The following PLCB1 variants were observed in gnomAD, a reference collection of about 807,000 sequenced individuals.
PLCB1 encodes phospholipase C beta 1.
A neutral mutation model predicts 161.8 loss-of-function variants in PLCB1; 46 were observed. The ratio of observed to expected loss-of-function variants is 0.28; its 90% confidence interval spans 0.22 to 0.36. The LOEUF (loss-of-function observed/expected upper bound fraction) is 0.36. Among genes scored for constraint, PLCB1 ranks in the 10% least tolerant of loss-of-function variants. PLCB1 has a pLI of 1.00. For missense variants in PLCB1, 1,016 were observed against 1,472.5 expected (o/e 0.69, Z 5.07); for synonymous variants, 517 against 503.7 (o/e 1.03, Z -0.35).
At chr20:8,413,200 A>G (rs189070113) in intron 3 of PLCB1, among the ~76,000 whole-genome samples, 14 of 152,240 alleles carry the variant, frequency 9.2e-5, no homozygotes, top group Admixed American at 9.2e-4. Flanking sequence ...CATTATTTTT[A>G]TTTTAATATT....
chr20:8,699,505 A>C (rs1193658672), intron 11 of PLCB1, among the ~76,000 whole-genome samples: 1 of 152,150 alleles, frequency 6.6e-6, no homozygotes, highest in Non-Finnish European at 1.5e-5. Context: ...TTTTTTTTTA[A>C]AGAAGATTGA....
intron 2 of PLCB1, among the ~76,000 whole-genome samples, chr20:8,271,144 G>C (rs547896136): frequency 6.6e-6 from 1 of 152,212 alleles, no homozygotes; most frequent in Admixed American, 6.5e-5. Flanking sequence ...CACTGACAGT[G>C]GTAGACATCA....
chr20:8,400,312 T>C (rs997062923), intron 3 of PLCB1, among the ~76,000 whole-genome samples: 1 of 152,216 alleles, frequency 6.6e-6, no homozygotes, highest in Non-Finnish European at 1.5e-5. Context: ...TATTCTATTC[T>C]TTGTGCCAGA....
intron 2 of PLCB1, among the ~76,000 whole-genome samples, chr20:8,350,713 A>G (rs779681854): frequency 2.0e-5 from 3 of 152,356 alleles, no homozygotes; most frequent in Non-Finnish European, 2.9e-5. Context: ...CACCAACAGT[A>G]TAAAAATGTG....
intron 18 of PLCB1, among the ~76,000 whole-genome samples, chr20:8,732,718 A>AATATATATATATTTAATAT: frequency 1.8e-4 from 26 of 144,254 alleles, no homozygotes; most frequent in African/African-American, 6.1e-4. Context: ...ATATCATTCT[A>AATATATATATATTTAATAT]ATATATCTAA....
intron 27 of PLCB1, among the ~76,000 whole-genome samples, chr20:8,786,085 T>C (rs1600326188): frequency 1.3e-5 from 2 of 152,090 alleles, no homozygotes; most frequent in South Asian, 2.1e-4. Context: ...TCTGTATTTT[T>C]AAGAAGTTCC....
chr20:8,237,757 A>C (rs1231251556), intron 2 of PLCB1, among the ~76,000 whole-genome samples: 2 of 152,250 alleles, frequency 1.3e-5, no homozygotes, highest in Non-Finnish European at 2.9e-5. Context: ...CAATATAATC[A>C]GGCACCAACC....
At chr20:8,227,155 C>T (rs951939950) in intron 2 of PLCB1, among the ~76,000 whole-genome samples, 2 of 151,986 alleles carry the variant, frequency 1.3e-5, no homozygotes, top group African/African-American at 4.8e-5. Flanking sequence ...GTGTATTTTT[C>T]CCTCACAATA....
intron 2 of PLCB1, among the ~76,000 whole-genome samples, chr20:8,174,437 G>A (rs552042936): frequency 1.3e-5 from 2 of 152,258 alleles, no homozygotes; most frequent in South Asian, 4.1e-4. Flanking sequence ...TTTGTAAGTA[G>A]CAGACCCACC....
intron 3 of PLCB1, among the ~76,000 whole-genome samples, chr20:8,522,434 A>C (rs1984387035): frequency 6.6e-6 from 1 of 152,158 alleles, no homozygotes; most frequent in South Asian, 2.1e-4. Context: ...TCCACTAAGA[A>C]GGACAAAAGC....
chr20:8,204,096 G>C (rs1978393436), intron 2 of PLCB1, among the ~76,000 whole-genome samples: 1 of 152,060 alleles, frequency 6.6e-6, no homozygotes, highest in African/African-American at 2.4e-5. Flanking sequence ...TTCTTCCTAA[G>C]AATGGACTGG....
At chr20:8,508,464 A>T (rs1052262499) in intron 3 of PLCB1, among the ~76,000 whole-genome samples, 1 of 152,156 alleles carries the variant, frequency 6.6e-6, no homozygotes. Flanking sequence ...ACTCGAAGTG[A>T]CTCAAGTTCC....
intron 3 of PLCB1, among the ~76,000 whole-genome samples, chr20:8,573,076 T>C (rs190182222): frequency 1.7e-4 from 26 of 152,052 alleles, no homozygotes; most frequent in Non-Finnish European, 2.2e-4. Flanking sequence ...TGAGAAGGAA[T>C]GGCCAGAAAA....
intron 20 of PLCB1, 23 bp downstream of exon 20, chr20:8,737,215 G>T: frequency 6.3e-7 from 1 of 1,578,864 alleles, no homozygotes; most frequent in South Asian, 1.1e-5. Context: ...TTCTTGATAT[G>T]AGTTATAACT....
intron 7 of PLCB1, among the ~76,000 whole-genome samples, chr20:8,655,727 AATCCAGTAAAGCTGGAGGC>A (rs1297462664): frequency 6.6e-6 from 1 of 152,046 alleles, no homozygotes; most frequent in Non-Finnish European, 1.5e-5. Context: ...GGGTTCATAA[AATCCAGTAAAGCTGGAGGC>A]ACTTGAGTTG....
At chr20:8,790,825 C>T (rs967160194) in intron 31 of PLCB1, among the ~76,000 whole-genome samples, 1 of 152,128 alleles carries the variant, frequency 6.6e-6, no homozygotes, top group African/African-American at 2.4e-5. Flanking sequence ...TGAATATTAA[C>T]TTTGAATGAA....
chr20:8,786,895 G>A (rs1983514920), intron 27 of PLCB1, among the ~76,000 whole-genome samples: 1 of 151,916 alleles, frequency 6.6e-6, no homozygotes, highest in African/African-American at 2.4e-5. Flanking sequence ...AGTAGAGACA[G>A]GGTTTTACCG....
chr20:8,872,928 T>A (rs1987657742), intron 31 of PLCB1, among the ~76,000 whole-genome samples: 1 of 152,172 alleles, frequency 6.6e-6, no homozygotes, highest in Non-Finnish European at 1.5e-5. Context: ...TAACTGTGAG[T>A]TCCTTTGTTA....
chr20:8,251,151 G>C (rs777312014), intron 2 of PLCB1, among the ~76,000 whole-genome samples: 2 of 151,900 alleles, frequency 1.3e-5, no homozygotes, highest in Non-Finnish European at 2.9e-5. Flanking sequence ...GGACAAACAG[G>C]CTCCCTCAAG....
Sources: allele counts gnomAD v4.1 joint callset (sites outside exome capture counted in the v4.1 genomes callset), GRCh38; gene constraint gnomAD v4.1.1; transcripts MANE v1.5; gene names NCBI Gene and HGNC (gene_info 2026-07-23, HGNC 2026-07-21).